The following LUZP2 variants were observed in gnomAD, a reference collection of about 807,000 sequenced individuals.
The protein encoded by LUZP2 is leucine zipper protein 2.
A neutral mutation model predicts 51.6 loss-of-function variants in LUZP2; 52 were observed. That is an observed-to-expected ratio of 1.01 (90% CI 0.81 to 1.27). The LOEUF (loss-of-function observed/expected upper bound fraction) is 1.27, where lower values mean the gene tolerates loss of function less well. Ranked by LOEUF, LUZP2 falls within the 50% of genes most tolerant of loss-of-function variation. LUZP2 has a pLI of 0.00. For synonymous variants in LUZP2, 154 were observed against 137.3 expected (o/e 1.12, Z -0.85); for missense variants, 436 against 395.4 (o/e 1.10, Z -0.87).
chr11:24,497,967 T>C (rs912706131), intron 1 of LUZP2, among the ~76,000 whole-genome samples: 150 of 152,340 alleles, frequency 9.8e-4, no homozygotes, highest in African/African-American at 3.4e-3. Flanking sequence ...AATTAAGTAC[T>C]GTACTCCATC....
At position 24,738,267 on chromosome 11, in the gene LUZP2, G is replaced by A. The variant is rs763936231; in HGVS notation, c.298G>A (p.Glu100Lys). 1 of 1,612,652 alleles carries A rather than the reference G, an allele frequency of 6.2e-7. No homozygotes were observed. Among genetic ancestry groups the A allele is most frequent in the South Asian group, 1.1e-5 (1 of 91,002 alleles). ...GGAGGCCCTGCAAAATCAGCTTAAG[G>A]AGACATCAGAGAAAGCAGAAAAACA... ...LQEALQNQLK[E>K]TSEKAEKHQA... Residue 100 changes from glutamate (E) to lysine (K), a missense_variant, in exon 4 of 12, where the codon GAG becomes AAG. Glu to Lys is a moderately conservative substitution (Grantham distance 56). Coordinates refer to ENST00000336930, the MANE Select transcript of LUZP2 (RefSeq NM_001009909.4).
intron 1 of LUZP2, among the ~76,000 whole-genome samples, chr11:24,708,861 A>T (rs1376785088): frequency 6.6e-6 from 1 of 152,044 alleles, no homozygotes; most frequent in East Asian, 1.9e-4. Context: ...AAAATTAAAA[A>T]CCCTGTATAA....
intron 1 of LUZP2, among the ~76,000 whole-genome samples, chr11:24,699,884 A>T (rs1362858206): frequency 2.0e-5 from 3 of 151,270 alleles, no homozygotes; most frequent in Admixed American, 1.3e-4. Flanking sequence ...ACACAAAGGA[A>T]TTATAATATA....
At chr11:24,983,731 A>G (rs1217124362) in intron 9 of LUZP2, among the ~76,000 whole-genome samples, 1 of 151,266 alleles carries the variant, frequency 6.6e-6, no homozygotes, top group East Asian at 1.9e-4. Flanking sequence ...CTTAGTGTAA[A>G]TATTTTTAAA....
intron 1 of LUZP2, among the ~76,000 whole-genome samples, chr11:24,499,779 A>G (rs1849935168): frequency 6.6e-6 from 1 of 151,924 alleles, no homozygotes; most frequent in South Asian, 2.1e-4. Flanking sequence ...ATATATATAT[A>G]TATTTGTTTC....
At chr11:24,980,163 T>C (rs1212578928) in intron 8 of LUZP2, among the ~76,000 whole-genome samples, 1 of 151,766 alleles carries the variant, frequency 6.6e-6, no homozygotes, top group Non-Finnish European at 1.5e-5. Context: ...ACTTGGTGTC[T>C]TCATTTAAAA....
intron 5 of LUZP2, among the ~76,000 whole-genome samples, chr11:24,886,992 C>A (rs570732988): frequency 6.6e-6 from 1 of 152,082 alleles, no homozygotes. Context: ...TGGTGAATGT[C>A]CTAATGCCTA....
chr11:24,927,742 A>C (rs1293884238), intron 7 of LUZP2, among the ~76,000 whole-genome samples: 2 of 151,862 alleles, frequency 1.3e-5, no homozygotes, highest in African/African-American at 4.8e-5. Context: ...GTTCCATATA[A>C]ATTTTAGAAA....
At chr11:24,529,599 A>G (rs977054614) in intron 1 of LUZP2, among the ~76,000 whole-genome samples, 2 of 151,114 alleles carry the variant, frequency 1.3e-5, no homozygotes, top group Non-Finnish European at 3.0e-5. Flanking sequence ...AATAAGAATA[A>G]GACATTTAAA....
At chr11:24,914,619 A>C in intron 7 of LUZP2, 81 bp downstream of exon 7, 1 of 933,192 alleles carries the variant, frequency 1.1e-6, no homozygotes, top group East Asian at 2.8e-5. Flanking sequence ...GGTTAAATTT[A>C]TTTTCTGGAA....
chr11:25,008,232 G>C (rs1324134037), intron 9 of LUZP2, among the ~76,000 whole-genome samples: 1 of 152,220 alleles, frequency 6.6e-6, no homozygotes, highest in Non-Finnish European at 1.5e-5. Flanking sequence ...GCCCGTGGCT[G>C]AGCCAGATGT....
At chr11:24,718,123 T>A (rs907843983) in intron 1 of LUZP2, among the ~76,000 whole-genome samples, 3 of 152,178 alleles carry the variant, frequency 2.0e-5, no homozygotes, top group Non-Finnish European at 4.4e-5. Context: ...AACAGGACTA[T>A]CAAAAACTGG....
chr11:24,653,730 G>T (rs746670618), intron 1 of LUZP2, among the ~76,000 whole-genome samples: 1 of 152,126 alleles, frequency 6.6e-6, no homozygotes, highest in Admixed American at 6.6e-5. Flanking sequence ...CAAAAGGAAA[G>T]CACACTGAGA....
chr11:24,692,385 C>T (rs1857102162), intron 1 of LUZP2, among the ~76,000 whole-genome samples: 1 of 151,958 alleles, frequency 6.6e-6, no homozygotes, highest in Non-Finnish European at 1.5e-5. Context: ...CAAGTAAAAA[C>T]AAGGAAAGTA....
chr11:25,024,683 A>G (rs1005461853), intron 9 of LUZP2, among the ~76,000 whole-genome samples: 18 of 152,206 alleles, frequency 1.2e-4, no homozygotes, highest in Admixed American at 5.2e-4. Context: ...ATGCTCATGG[A>G]TAGGAAGAAT....
At chr11:24,892,544 A>G (rs1308474493) in intron 5 of LUZP2, 2 of 531,836 alleles carry the variant, frequency 3.8e-6, no homozygotes, top group Non-Finnish European at 4.8e-6. Context: ...TCTATTCTCC[A>G]TAACATTCTG....
chr11:24,504,373 G>T (rs1850089233), intron 1 of LUZP2, among the ~76,000 whole-genome samples: 1 of 152,118 alleles, frequency 6.6e-6, no homozygotes, highest in Non-Finnish European at 1.5e-5. Context: ...GTCACAGTTT[G>T]TGTGATGATG....
chr11:24,925,125 TTTTAA>T (rs1423573860), intron 7 of LUZP2, among the ~76,000 whole-genome samples: 1 of 152,170 alleles, frequency 6.6e-6, no homozygotes, highest in Non-Finnish European at 1.5e-5. Context: ...TGGTAAAATA[TTTTAA>T]TTTATTTCAG....
chr11:24,962,801 G>T (rs1213198866), intron 7 of LUZP2, among the ~76,000 whole-genome samples: 1 of 152,200 alleles, frequency 6.6e-6, no homozygotes, highest in East Asian at 1.9e-4. Context: ...TCCATTGCTG[G>T]TGAGGAACTG....
Sources: gnomAD v4.1 joint callset for allele counts (sites outside exome capture counted in the v4.1 genomes callset) on GRCh38, gnomAD v4.1.1 for gene constraint, MANE v1.5 for transcripts, NCBI Gene and HGNC (gene_info 2026-07-23, HGNC 2026-07-21) for gene names.